The following GALNT18 variants were observed in gnomAD, a reference collection of about 807,000 sequenced individuals.
GALNT18 encodes the protein GalNAc-transferase 18.
GALNT18 carries 44 observed loss-of-function variants against 69.5 expected under a neutral mutation model. The ratio of observed to expected loss-of-function variants is 0.63; its 90% confidence interval spans 0.50 to 0.81. GALNT18 has a LOEUF of 0.81. Among genes scored for constraint, GALNT18 ranks in the 40% least tolerant of loss-of-function variants. The pLI, the probability that GALNT18 is intolerant of heterozygous loss-of-function variation, is 0.00. For missense variants in GALNT18, 715 were observed against 810.0 expected (o/e 0.88, Z 1.42); for synonymous variants, 364 against 318.2 (o/e 1.14, Z -1.53).
Position 11,338,779 on chromosome 11 carries a change from C to A in GALNT18, c.1278+2040G>T, listed in dbSNP as rs370992350. Among the ~76,000 whole-genome samples, 1 of 151,916 alleles carries A rather than the reference C, an allele frequency of 6.6e-6. No individual in the cohort carries two copies. On this transcript the variant is annotated intron_variant, in intron 7 of 10. Transcript: ENST00000227756. The surrounding 1 kb of genome is among the most constrained non-coding windows in gnomAD (Gnocchi z 5.3). ...GTAGATGATATTACCCAGGGAGATGCGGAATAATGAGAGCAGTCTGCCAAG... is the reference window on the plus strand; with the variant it reads ...GTAGATGATATTACCCAGGGAGATGAGGAATAATGAGAGCAGTCTGCCAAG...
intron 1 of GALNT18, among the ~76,000 whole-genome samples, chr11:11,553,789 C>A (rs1222908449): frequency 6.6e-6 from 1 of 152,142 alleles, no homozygotes; most frequent in Non-Finnish European, 1.5e-5. Flanking sequence ...CCTGCTGAGC[C>A]AAGTCGCCCG....
At position 11,540,518 on chromosome 11, in the gene GALNT18, C is replaced by T. The variant is rs183502804; in HGVS notation, c.235+80841G>A. Among the ~76,000 whole-genome samples, 173 of 152,236 alleles carry T rather than the reference C, an allele frequency of 1.1e-3. No homozygotes were observed. The highest frequency in any genetic ancestry group is 3.4e-3 in the Middle Eastern group (1 of 294). ...AGTTTCATTAGAAACTTTGGAATCA[C>T]GGCAATCATATAAGTAATACTGAGG... On this transcript the variant is annotated intron_variant, in intron 1 of 10. Coordinates refer to ENST00000227756, the MANE Select transcript of GALNT18 (RefSeq NM_198516.3). This position sits in a 1 kb window ranked among gnomAD's most constrained non-coding sequence, Gnocchi z 4.6.
Position 11,314,494 on chromosome 11 carries a change from GGCTCCCTCCCTGTCTGCCT to G in GALNT18, c.1512+12573_1512+12591del, listed in dbSNP as rs1849719140. ...CATCTGTGTGCCTATAACATCCGTT[GGCTCCCTCCCTGTCTGCCT>G]GCTCCCCTGACCCTGAGCTGATGTG... is the stretch of plus-strand genomic sequence containing the variant. On this transcript the variant is annotated intron_variant, in intron 9 of 10. Transcript: ENST00000227756. This position sits in a 1 kb window ranked among gnomAD's most constrained non-coding sequence, Gnocchi z 5.2. 6.6e-6 allele frequency among the ~76,000 whole-genome samples: 1 copy of G among 152,080 alleles called. No homozygotes were observed. The highest frequency in any genetic ancestry group is 1.5e-5 in the Non-Finnish European group (1 of 68,036).
At chr11:11,412,449 AC>A (rs1366585956) in intron 3 of GALNT18, among the ~76,000 whole-genome samples, 1 of 152,182 alleles carries the variant, frequency 6.6e-6, no homozygotes, top group Non-Finnish European at 1.5e-5. Context: ...CCACCGCTTC[AC>A]ACAGGTGCTC....
At chr11:11,298,521 A>C (rs1849438892) in intron 9 of GALNT18, among the ~76,000 whole-genome samples, 1 of 152,162 alleles carries the variant, frequency 6.6e-6, no homozygotes, top group South Asian at 2.1e-4. Context: ...ACTGATGGCC[A>C]CTGCCTCCGC....
intron 3 of GALNT18, among the ~76,000 whole-genome samples, chr11:11,423,636 C>A (rs1236612617): frequency 6.6e-6 from 1 of 152,204 alleles, no homozygotes; most frequent in African/African-American, 2.4e-5. Context: ...CCCAACATCT[C>A]TCTCTCTCCA....
intron 1 of GALNT18, among the ~76,000 whole-genome samples, chr11:11,566,790 C>T (rs989185512): frequency 6.6e-6 from 1 of 152,174 alleles, no homozygotes; most frequent in Admixed American, 6.5e-5. Flanking sequence ...AACAAAAGGT[C>T]CTGATGAACA....
rs112814171 is a variant in GALNT18 at position 11,382,389 on chromosome 11, G to A, written c.596-3125C>T. Among the ~76,000 whole-genome samples the A allele has an allele frequency of 1.1e-4, 17 of 152,086 alleles. No individual in the cohort carries two copies. Among genetic ancestry groups the A allele is most frequent in the Non-Finnish European group, 1.6e-4 (11 of 68,014 alleles). Reference sequence around the variant, plus strand: ...AGAACTATCCCAAAAATACTTCTGCGTTGGCTGGAAAATTGCTTTCCAAAA... The same window carrying A: ...AGAACTATCCCAAAAATACTTCTGCATTGGCTGGAAAATTGCTTTCCAAAA... On this transcript the variant is annotated intron_variant, in intron 3 of 10. Coordinates refer to ENST00000227756, the MANE Select transcript of GALNT18 (RefSeq NM_198516.3). This position sits in a 1 kb window ranked among gnomAD's most constrained non-coding sequence, Gnocchi z 4.3.
chr11:11,498,046 T>C (rs1391251150), intron 1 of GALNT18, among the ~76,000 whole-genome samples: 1 of 152,150 alleles, frequency 6.6e-6, no homozygotes, highest in Non-Finnish European at 1.5e-5. Flanking sequence ...GAACTCGTCT[T>C]AAAAAATGGA....
rs911328940 is a variant in GALNT18, at chr11:11,332,247, A to G, written c.1416+447T>C. On this transcript the variant is annotated intron_variant, in intron 8 of 10. Coordinates refer to ENST00000227756, the MANE Select transcript of GALNT18 (RefSeq NM_198516.3). The surrounding 1 kb of genome is among the most constrained non-coding windows in gnomAD (Gnocchi z 4.3). ...AAATACAGCAAATAAAATAAATTCA[A>G]GATGGCTCTGTCTCTAGAACTCTTC... Among the ~76,000 whole-genome samples, 6 of 152,162 alleles carry G rather than the reference A, an allele frequency of 3.9e-5. No homozygotes were observed. The highest frequency in any genetic ancestry group is 1.4e-4 in the African/African-American group (6 of 41,438).
At chr11:11,282,497 C>T (rs1348177592) in intron 10 of GALNT18, among the ~76,000 whole-genome samples, 2 of 152,182 alleles carry the variant, frequency 1.3e-5, no homozygotes, top group African/African-American at 4.8e-5. Context: ...GAGACTTGTC[C>T]AGGGTCACAT....
At chr11:11,406,681 CA>C (rs1426448166) in intron 3 of GALNT18, among the ~76,000 whole-genome samples, 6 of 152,206 alleles carry the variant, frequency 3.9e-5, no homozygotes, top group Non-Finnish European at 8.8e-5. Flanking sequence ...AAAATAATTT[CA>C]AAATGTGGCC....
rs528869280 is a variant in GALNT18, at chr11:11,602,529, G to A, written c.235+18830C>T. On this transcript the variant is annotated intron_variant, in intron 1 of 10. Coordinates refer to ENST00000227756, the MANE Select transcript of GALNT18 (RefSeq NM_198516.3). This position sits in a 1 kb window ranked among gnomAD's most constrained non-coding sequence, Gnocchi z 4.7. ...TTTTATTGAGCTGGAATTGGGGGAG[G>A]AAGGGCAATTATGGCTCAAATGTCC... 5.1e-4 allele frequency among the ~76,000 whole-genome samples: 77 copies of A among 152,286 alleles called. No individual in the cohort carries two copies. Among genetic ancestry groups the A allele is most frequent in the African/African-American group, 1.8e-3 (74 of 41,538 alleles).
At chr11:11,374,931 A>C (rs1363521667) in intron 5 of GALNT18, among the ~76,000 whole-genome samples, 1 of 152,232 alleles carries the variant, frequency 6.6e-6, no homozygotes, top group African/African-American at 2.4e-5. Flanking sequence ...TGGTCTTAGA[A>C]ACAAAATGTA....
chr11:11,495,197 C>CT (rs1357111158), intron 1 of GALNT18, among the ~76,000 whole-genome samples: 1 of 152,188 alleles, frequency 6.6e-6, no homozygotes, highest in Non-Finnish European at 1.5e-5. Flanking sequence ...AGGTTTCCAA[C>CT]TTTGTTTCCT....
intron 1 of GALNT18, among the ~76,000 whole-genome samples, chr11:11,611,994 A>G (rs2133964531): frequency 6.6e-6 from 1 of 152,218 alleles, no homozygotes; most frequent in Admixed American, 6.5e-5. Flanking sequence ...CTGAGCTTAC[A>G]CTCAAACACC....
rs1210695846 is a variant in GALNT18 at position 11,413,814 on chromosome 11, A to T, written c.595+18807T>A. 6.6e-6 allele frequency among the ~76,000 whole-genome samples: 1 copy of T among 152,020 alleles called. No homozygotes were observed. The highest frequency in any genetic ancestry group is 2.4e-5 in the African/African-American group (1 of 41,388). Reference sequence around the variant, plus strand: ...GCCAAGCCAGGCTCAGCCTGTCCTGACCTCTTCCGAGAGCCTGGGTATCCG... The same window carrying T: ...GCCAAGCCAGGCTCAGCCTGTCCTGTCCTCTTCCGAGAGCCTGGGTATCCG... On this transcript the variant is annotated intron_variant, in intron 3 of 10. Transcript: ENST00000227756. This position sits in a 1 kb window ranked among gnomAD's most constrained non-coding sequence, Gnocchi z 4.7.
rs1401097239 is a variant in GALNT18 at position 11,605,516 on chromosome 11, A to C, written c.235+15843T>G. On this transcript the variant is annotated intron_variant, in intron 1 of 10. Transcript: ENST00000227756. The surrounding 1 kb of genome is among the most constrained non-coding windows in gnomAD (Gnocchi z 4.7). Reference sequence around the variant, plus strand: ...TCTCACAGACCTCGGGGTGAACAGGAGGCCCTCTGTTTCTGCTTCAGAGGG... The same window carrying C: ...TCTCACAGACCTCGGGGTGAACAGGCGGCCCTCTGTTTCTGCTTCAGAGGG... Among the ~76,000 whole-genome samples, 1 of 152,156 alleles carries C rather than the reference A, an allele frequency of 6.6e-6. No homozygotes were observed. Among genetic ancestry groups the C allele is most frequent in the African/African-American group, 2.4e-5 (1 of 41,426 alleles).
intron 1 of GALNT18, among the ~76,000 whole-genome samples, chr11:11,481,093 G>A (rs1856517690): frequency 6.6e-6 from 1 of 152,124 alleles, no homozygotes; most frequent in Admixed American, 6.5e-5. Flanking sequence ...AACTCCAATG[G>A]AATCCTGGCA....
Sources: allele counts gnomAD v4.1 joint callset (sites outside exome capture counted in the v4.1 genomes callset), GRCh38; gene constraint gnomAD v4.1.1; non-coding constraint Gnocchi (gnomAD v3.1); transcripts MANE v1.5; gene names NCBI Gene and HGNC (gene_info 2026-07-23, HGNC 2026-07-21).